Variants in CDH12 observed in about 807,000 individuals in gnomAD.
The protein encoded by CDH12 is cadherin 12, also known as cadherin-12.
Under a neutral mutation model 74.1 loss-of-function variants are expected in CDH12, and 41 were observed. The ratio of observed to expected loss-of-function variants is 0.55; its 90% CI spans 0.43 to 0.72. The LOEUF (loss-of-function observed/expected upper bound fraction) is 0.72, where lower values mean the gene tolerates loss of function less well. Ranked by LOEUF, CDH12 falls within the 30% of genes least tolerant of loss-of-function variation. The pLI is 0.00. For missense variants in CDH12, 945 were observed against 977.2 expected, an observed-to-expected ratio of 0.97 and a Z score of 0.44; for synonymous variants, 399 against 355.0, an observed-to-expected ratio of 1.12 and a Z score of -1.39.
rs571273242 is a variant in CDH12 at position 22,181,848 on chromosome 5, T to A, written c.-187+30650A>T. Among the ~76,000 whole-genome samples, 7 of 152,262 alleles carry A rather than the reference T, an allele frequency of 4.6e-5. No individual in the cohort carries two copies. The East Asian group carries it at 1.4e-3, about 29-fold the overall frequency. ...CTCTCTGCCCCATGCCATCCATATA[T>A]GAGTACTTAAAATTTTTAATCACAT... On this transcript the variant is annotated intron_variant, in intron 4 of 14. Transcript: ENST00000382254.
chr5:21,771,635 C>T (rs1745330665), intron 11 of CDH12, among the ~76,000 whole-genome samples: 1 of 152,018 alleles, frequency 6.6e-6, no homozygotes. Context: ...TAGATGAAGC[C>T]TCTAGGTAGA....
chr5:21,868,362 C>T (rs1751444972), intron 6 of CDH12, among the ~76,000 whole-genome samples: 1 of 152,132 alleles, frequency 6.6e-6, no homozygotes, highest in Admixed American at 6.5e-5. Context: ...CATAGTGGAT[C>T]CCTGAGAGTA....
chr5:22,389,235 A>G (rs1434711352), intron 3 of CDH12, among the ~76,000 whole-genome samples: 4 of 152,222 alleles, frequency 2.6e-5, no homozygotes, highest in Admixed American at 1.3e-4. Context: ...AATATTTGGC[A>G]CATTAAAAGC....
At chr5:22,732,351 T>G (rs146663823) in intron 1 of CDH12, among the ~76,000 whole-genome samples, 1 of 151,892 alleles carries the variant, frequency 6.6e-6, no homozygotes, top group South Asian at 2.1e-4. Flanking sequence ...TTCAAGACCT[T>G]GTGTCCAAAT....
Position 21,919,930 on chromosome 5 carries a change from A to G in CDH12, c.526+55161T>C, listed in dbSNP as rs533853208. 3.3e-5 allele frequency among the ~76,000 whole-genome samples: 5 copies of G among 152,240 alleles called. No individual in the cohort carries two copies. In the East Asian group the frequency reaches 5.8e-4, roughly 18 times the overall value. ...AATTTCTATAGCTACCACTCTCTTG[A>G]TGTTTCCAGTGATAATATTAAGAAA... On this transcript the variant is annotated intron_variant, in intron 6 of 14. Coordinates refer to ENST00000382254, the MANE Select transcript of CDH12 (RefSeq NM_004061.5).
intron 2 of CDH12, among the ~76,000 whole-genome samples, chr5:22,429,531 A>G (rs1429897691): frequency 6.6e-6 from 1 of 152,146 alleles, no homozygotes; most frequent in African/African-American, 2.4e-5. Context: ...AGTTATGCAC[A>G]TCTTTCTATG....
chr5:22,002,551 C>T (rs561761758), intron 5 of CDH12, among the ~76,000 whole-genome samples: 14 of 152,166 alleles, frequency 9.2e-5, no homozygotes, highest in African/African-American at 3.4e-4. Flanking sequence ...TCAATTAAAT[C>T]ATTTACAAAT....
chr5:22,406,088 A>C (rs1372522509), intron 2 of CDH12, among the ~76,000 whole-genome samples: 1 of 152,176 alleles, frequency 6.6e-6, no homozygotes, highest in Non-Finnish European at 1.5e-5. Context: ...TACTGGTTGA[A>C]TCCATAGGTA....
At chr5:22,244,397 A>G (rs973092494) in intron 3 of CDH12, among the ~76,000 whole-genome samples, 2 of 148,900 alleles carry the variant, frequency 1.3e-5, no homozygotes, top group Admixed American at 1.4e-4. Context: ...AGGGAGGATG[A>G]GGCACAATAA....
chr5:22,127,617 C>G (rs1180635711), intron 4 of CDH12, among the ~76,000 whole-genome samples: 2 of 152,054 alleles, frequency 1.3e-5, no homozygotes, highest in African/African-American at 2.4e-5. Flanking sequence ...TTTTCTTCCC[C>G]TCAGTAGTTT....
chr5:22,654,178 CTTCTTTCT>C (rs150976009), intron 1 of CDH12, among the ~76,000 whole-genome samples: 67 of 147,404 alleles, frequency 4.5e-4, no homozygotes, highest in African/African-American at 1.6e-3. Context: ...TCCTTCCTTT[CTTCTTTCT>C]TTCTTTCTTT....
At chr5:22,754,895 A>G (rs913480341) in intron 1 of CDH12, among the ~76,000 whole-genome samples, 1 of 152,190 alleles carries the variant, frequency 6.6e-6, no homozygotes, top group Non-Finnish European at 1.5e-5. Context: ...GAGACTGTCT[A>G]TTAGATGTGG....
intron 2 of CDH12, among the ~76,000 whole-genome samples, chr5:22,480,240 CT>C (rs1333269163): frequency 4.6e-5 from 7 of 150,892 alleles, no homozygotes; most frequent in Non-Finnish European, 7.4e-5. Flanking sequence ...TGGTTTTTGA[CT>C]TTTTTTTTCT....
intron 4 of CDH12, among the ~76,000 whole-genome samples, chr5:22,099,958 C>CA (rs974556337): frequency 9.9e-5 from 15 of 152,120 alleles, no homozygotes; most frequent in African/African-American, 3.1e-4. Context: ...CCCCTTACCA[C>CA]AAAATCTTCC....
At chr5:22,503,792 C>T (rs1736273766) in intron 2 of CDH12, among the ~76,000 whole-genome samples, 1 of 151,856 alleles carries the variant, frequency 6.6e-6, no homozygotes, top group Admixed American at 6.6e-5. Flanking sequence ...TTTATCTGGG[C>T]CTTTGGATGT....
intron 4 of CDH12, among the ~76,000 whole-genome samples, chr5:22,118,594 C>G (rs1745310412): frequency 6.6e-6 from 1 of 151,906 alleles, no homozygotes; most frequent in Non-Finnish European, 1.5e-5. Flanking sequence ...ATATACCTTT[C>G]ACACATGAAA....
intron 5 of CDH12, among the ~76,000 whole-genome samples, chr5:22,046,022 C>A (rs769499727): frequency 1.3e-5 from 2 of 151,976 alleles, no homozygotes; most frequent in Non-Finnish European, 2.9e-5. Context: ...TACGTGCCAA[C>A]TAAAAATAAA....
intron 2 of CDH12, among the ~76,000 whole-genome samples, chr5:22,484,262 T>A (rs1209298880): frequency 6.6e-6 from 1 of 152,190 alleles, no homozygotes; most frequent in Non-Finnish European, 1.5e-5. Flanking sequence ...TGACTTTCTA[T>A]CACCAGTGGC....
At chr5:22,667,979 T>C (rs1487411) in intron 1 of CDH12, among the ~76,000 whole-genome samples, 10,548 of 152,242 alleles carry the variant, frequency 0.069, 483 homozygotes, top group South Asian at 0.11. Context: ...ATTTAGATCA[T>C]ATAAAGAAAA....
Sources: gnomAD v4.1 joint callset for allele counts (sites outside exome capture counted in the v4.1 genomes callset) on GRCh38, gnomAD v4.1.1 for gene constraint, MANE v1.5 for transcripts, NCBI Gene and HGNC (gene_info 2026-07-23, HGNC 2026-07-21) for gene names.